RERG: variants seen among roughly 807,000 people sequenced by gnomAD.
RERG encodes the protein RAS like estrogen regulated growth inhibitor.
Under a neutral mutation model 23.2 loss-of-function variants are expected in RERG, and 25 were observed. That is an observed-to-expected ratio of 1.08 (90% CI 0.79 to 1.50). The LOEUF (loss-of-function observed/expected upper bound fraction) is 1.50, where lower values mean the gene tolerates loss of function less well. Ranked by LOEUF, RERG falls within the 40% of genes most tolerant of loss-of-function variation. The pLI, the probability that RERG is intolerant of heterozygous loss-of-function variation, is 0.00. For synonymous variants in RERG, 81 were observed against 89.1 expected (o/e 0.91, Z 0.51); for missense variants, 253 against 250.1 (o/e 1.01, Z -0.08).
chr12:15,184,246 A>G (rs1296243955), intron 2 of RERG, among the ~76,000 whole-genome samples: 1 of 152,226 alleles, frequency 6.6e-6, no homozygotes, highest in Non-Finnish European at 1.5e-5. Context: ...TCTACATTTT[A>G]TATTTCTCAT....
intron 1 of RERG, among the ~76,000 whole-genome samples, chr12:15,218,492 C>A (rs2136152328): frequency 6.6e-6 from 1 of 152,216 alleles, no homozygotes; most frequent in Admixed American, 6.5e-5. Context: ...ACATAACAAT[C>A]ATTCCATATT....
chr12:15,112,456 GAGTGGTCACCA>G (rs1863637976), intron 3 of RERG: 1 of 152,280 alleles, frequency 6.6e-6, no homozygotes, highest in African/African-American at 2.4e-5. Context: ...ATCAACAGCA[GAGTGGTCACCA>G]AGCTATGTGA....
chr12:15,136,085 C>A (rs571349707), intron 2 of RERG, among the ~76,000 whole-genome samples: 4 of 152,016 alleles, frequency 2.6e-5, no homozygotes, highest in South Asian at 4.2e-4. Context: ...TAGGTATATG[C>A]CTGTTCTCGT....
At position 15,109,457 on chromosome 12, in the gene RERG, C is replaced by G. The variant is rs777057953; in HGVS notation, c.253G>C (p.Asp85His). The G allele has an allele frequency of 1.9e-6, 3 of 1,613,774 alleles. No homozygotes were observed. The South Asian group carries it at 3.3e-5, about 18-fold the overall frequency. The part of the protein sequence containing the change: ...RWGEGFVLVY[D>H]ITDRGSFEEV... The stretch of plus-strand genomic sequence containing the variant: ...TCAAAACTTCCTCGGTCAGTAATGT[C>G]GTAGACCAGCACAAAGCCTTCCCCC... Residue 85 changes from aspartate to histidine, a missense_variant, in exon 5 of 5, where the codon GAC (aspartate) becomes CAC (histidine). Asp to His is a moderately conservative substitution (Grantham distance 81). Coordinates refer to ENST00000256953, the MANE Select transcript of RERG (RefSeq NM_032918.3).
intron 2 of RERG, among the ~76,000 whole-genome samples, chr12:15,165,741 A>G (rs1449641411): frequency 6.6e-6 from 1 of 152,188 alleles, no homozygotes; most frequent in African/African-American, 2.4e-5. Flanking sequence ...ATTAATAACT[A>G]TAACACTCCA....
intron 2 of RERG, among the ~76,000 whole-genome samples, chr12:15,162,269 T>C (rs1864626373): frequency 6.6e-6 from 1 of 152,184 alleles, no homozygotes; most frequent in African/African-American, 2.4e-5. Flanking sequence ...GGCACAGCCC[T>C]GGCCAAGGAC....
At chr12:15,141,880 T>G (rs1198279029) in intron 2 of RERG, among the ~76,000 whole-genome samples, 4 of 152,238 alleles carry the variant, frequency 2.6e-5, no homozygotes, top group Non-Finnish European at 5.9e-5. Context: ...TTTTCACATT[T>G]ATTTTGGCTC....
chr12:15,174,500 A>G (rs531624130), intron 2 of RERG, among the ~76,000 whole-genome samples: 9,823 of 150,344 alleles, frequency 0.065, 1,059 homozygotes, highest in African/African-American at 0.23. Flanking sequence ...GTGTGTGTAT[A>G]TATATATATT....
In RERG at chr12:15,217,401, A is replaced by G. The variant is rs376566771; in HGVS notation, c.61+28T>C. ...GAAACACACTCACCCACACACACAC[A>G]CTATAACAACCACAACGAAAATCTT... On this transcript the variant is annotated intron_variant, in intron 2 of 4. Transcript: ENST00000256953. The G allele has an allele frequency of 8.1e-5, 124 of 1,526,558 alleles. No homozygotes were observed. The African/African-American group carries it at 1.5e-3, about 18-fold the overall frequency. 94.6% of individuals were successfully genotyped at this position (1,526,558 alleles called of 1,614,324 possible).
At chr12:15,168,154 C>A (rs568258106) in intron 2 of RERG, among the ~76,000 whole-genome samples, 1 of 152,266 alleles carries the variant, frequency 6.6e-6, no homozygotes, top group East Asian at 1.9e-4. Flanking sequence ...AAGAAGATTG[C>A]ATTTCTTGAG....
chr12:15,182,574 C>A (rs1864939332), intron 2 of RERG, among the ~76,000 whole-genome samples: 2 of 152,096 alleles, frequency 1.3e-5, no homozygotes, highest in Non-Finnish European at 1.5e-5. Context: ...AACAATTAAA[C>A]ATTTCTATAA....
chr12:15,144,257 A>G (rs1211345773), intron 2 of RERG, among the ~76,000 whole-genome samples: 2 of 152,198 alleles, frequency 1.3e-5, no homozygotes, highest in Admixed American at 6.5e-5. Flanking sequence ...TAAACATGCA[A>G]TGGAGATGCT....
chr12:15,174,242 C>T (rs1003458680), intron 2 of RERG, among the ~76,000 whole-genome samples: 22 of 151,866 alleles, frequency 1.4e-4, no homozygotes, highest in African/African-American at 4.6e-4. Flanking sequence ...ACATCAGCCC[C>T]GGTAAAAAGT....
chr12:15,155,733 T>C (rs371937037), intron 2 of RERG, among the ~76,000 whole-genome samples: 1 of 152,284 alleles, frequency 6.6e-6, no homozygotes, highest in East Asian at 1.9e-4. Context: ...CAGGGGACTC[T>C]GAAAACAGCC....
At chr12:15,111,869 T>C (rs2136082674) in intron 3 of RERG, among the ~76,000 whole-genome samples, 1 of 152,142 alleles carries the variant, frequency 6.6e-6, no homozygotes, top group East Asian at 1.9e-4. Flanking sequence ...GGAGACAAGG[T>C]TTCACCATGT....
At chr12:15,126,680 T>C (rs1002929436) in intron 2 of RERG, among the ~76,000 whole-genome samples, 2 of 151,834 alleles carry the variant, frequency 1.3e-5, no homozygotes, top group African/African-American at 4.8e-5. Flanking sequence ...ATATTTAAAA[T>C]GTACTAACTC....
intron 2 of RERG, among the ~76,000 whole-genome samples, chr12:15,206,310 C>T (rs1213500542): frequency 2.6e-5 from 4 of 152,072 alleles, no homozygotes; most frequent in Admixed American, 2.0e-4. Context: ...CTCACTTTGT[C>T]TCTTCTCACT....
At chr12:15,166,392 T>C (rs990617233) in intron 2 of RERG, among the ~76,000 whole-genome samples, 20 of 152,128 alleles carry the variant, frequency 1.3e-4, no homozygotes, top group Admixed American at 9.2e-4. Flanking sequence ...AATGGGAAAA[T>C]AAGAATTTCA....
At position 15,139,304 on chromosome 12, in the gene RERG, G is replaced by C. The variant is rs369232465; in HGVS notation, c.62-18185C>G. On this transcript the variant is annotated intron_variant, in intron 2 of 4. Transcript: ENST00000256953. Reference sequence around the variant, plus strand: ...CTTTAATATTGTGTTGGCTACTCTAGGTTTTTTTACCTTTCCATATAAATT... The same window carrying C: ...CTTTAATATTGTGTTGGCTACTCTACGTTTTTTTACCTTTCCATATAAATT... Among the ~76,000 whole-genome samples, 233 of 151,956 alleles carry C rather than the reference G, an allele frequency of 1.5e-3. 6 individuals carry two copies. In the South Asian group the frequency reaches 0.047, roughly 30 times the overall value.
Sources: allele counts gnomAD v4.1 joint callset (sites outside exome capture counted in the v4.1 genomes callset), GRCh38; gene constraint gnomAD v4.1.1; transcripts MANE v1.5; gene names NCBI Gene and HGNC (gene_info 2026-07-23, HGNC 2026-07-21).